BMPER: variants seen among roughly 807,000 people sequenced by gnomAD.
The protein encoded by BMPER is BMP-binding endothelial regulator protein.
A neutral mutation model predicts 87.3 loss-of-function variants in BMPER; 45 were observed. The ratio of observed to expected loss-of-function variants is 0.52; its 90% CI spans 0.41 to 0.66. BMPER has a LOEUF of 0.66. Among genes scored for constraint, BMPER ranks in the 30% least tolerant of loss-of-function variants. The pLI, the probability that BMPER is intolerant of heterozygous loss-of-function variation, is 0.00. For missense variants in BMPER, 784 were observed against 867.5 expected (o/e 0.90, Z 1.21); for synonymous variants, 326 against 316.2 (o/e 1.03, Z -0.33).
intron 2 of BMPER, among the ~76,000 whole-genome samples, chr7:33,919,641 T>G (rs930885663): frequency 1.5e-4 from 23 of 152,308 alleles, no homozygotes; most frequent in African/African-American, 5.3e-4. Context: ...AATGATTGAT[T>G]GATGGTCATT....
rs867146208 is a variant in BMPER, at chr7:34,031,719, G to C, written c.577-14587G>C. On this transcript the variant is annotated intron_variant, in intron 6 of 14. Transcript: ENST00000649409. ...ATAACACTTATAGAGCAAGCACTGT[G>C]CTGGGCACTTTAAGCACATTGTTGC... is the stretch of plus-strand genomic sequence containing the variant. 6.6e-5 allele frequency among the ~76,000 whole-genome samples: 10 copies of C among 151,750 alleles called. 1 individual carries two copies. The Middle Eastern group carries it at 0.014, about 206-fold the overall frequency.
chr7:34,071,504 G>C (rs1335961623), intron 11 of BMPER, among the ~76,000 whole-genome samples: 1 of 152,216 alleles, frequency 6.6e-6, no homozygotes, highest in East Asian at 1.9e-4. Flanking sequence ...CTCCAAGGAG[G>C]CTTTAAAGCT....
intron 6 of BMPER, among the ~76,000 whole-genome samples, chr7:34,004,475 T>C (rs1166892305): frequency 2.6e-5 from 4 of 152,180 alleles, no homozygotes; most frequent in Non-Finnish European, 5.9e-5. Flanking sequence ...TTGTTGTTGC[T>C]ATTGTTTTTG....
At chr7:34,031,882 CCA>C (rs1491496489) in intron 6 of BMPER, among the ~76,000 whole-genome samples, 1 of 64,156 alleles carries the variant, frequency 1.6e-5, no homozygotes, top group Non-Finnish European at 2.7e-5. Context: ...ATTAATTTGA[CCA>C]TATATATATA....
intron 13 of BMPER, among the ~76,000 whole-genome samples, chr7:34,137,132 T>C (rs1019398056): frequency 6.6e-6 from 1 of 152,260 alleles, no homozygotes; most frequent in African/African-American, 2.4e-5. Flanking sequence ...ATGTGCTTTA[T>C]TGAAAATGTG....
At chr7:33,976,892 A>G (rs954408227) in intron 6 of BMPER, among the ~76,000 whole-genome samples, 2 of 152,226 alleles carry the variant, frequency 1.3e-5, no homozygotes, top group Admixed American at 6.5e-5. Flanking sequence ...TGCATGATGA[A>G]TGAAACACCA....
At chr7:33,979,063 G>A (rs970188351) in intron 6 of BMPER, among the ~76,000 whole-genome samples, 28 of 152,084 alleles carry the variant, frequency 1.8e-4, no homozygotes, top group African/African-American at 6.8e-4. Context: ...CAGCGACAGA[G>A]TCAGCTACAA....
At chr7:34,054,435 A>G (rs906824031) in intron 8 of BMPER, among the ~76,000 whole-genome samples, 1 of 152,240 alleles carries the variant, frequency 6.6e-6, no homozygotes, top group African/African-American at 2.4e-5. Context: ...GTTGGTTTAT[A>G]ATAATTTCTA....
chr7:34,061,950 G>GTTTT lies in BMPER; in HGVS notation c.1033-40_1033-37dup, dbSNP rs3083769. ...AAGATATTTGTCCTCAGGAGACCCT[G>GTTTT]TTTTTTTTTTTTTTTAAACAGTAAC... On this transcript the variant is annotated intron_variant, in intron 10 of 14. Transcript: ENST00000649409. 155,847 of 1,134,552 alleles carry GTTTT rather than the reference G, an allele frequency of 0.14. 4,758 individuals are homozygous for GTTTT. The highest frequency in any genetic ancestry group is 0.15 in the Middle Eastern group (507 of 3,484). The allele number at this position is 1,134,552 out of a possible 1,614,324, so 70.3% of individuals were successfully genotyped here.
chr7:34,132,532 A>G (rs143888903), intron 13 of BMPER, among the ~76,000 whole-genome samples: 1 of 152,156 alleles, frequency 6.6e-6, no homozygotes, highest in Admixed American at 6.5e-5. Flanking sequence ...CACACAGCGG[A>G]TATTCTCTTG....
intron 10 of BMPER, among the ~76,000 whole-genome samples, chr7:34,058,534 T>C (rs183127166): frequency 5.3e-5 from 8 of 152,346 alleles, no homozygotes; most frequent in African/African-American, 1.2e-4. Flanking sequence ...TTTCCTCTTA[T>C]AGCCATTCAA....
intron 12 of BMPER, among the ~76,000 whole-genome samples, chr7:34,082,725 T>C (rs1406117576): frequency 6.6e-6 from 1 of 152,190 alleles, no homozygotes; most frequent in African/African-American, 2.4e-5. Context: ...TGAATTCCCA[T>C]GAACTCAGTT....
At chr7:34,062,363 G>A (rs1461381921) in intron 11 of BMPER, among the ~76,000 whole-genome samples, 1 of 152,126 alleles carries the variant, frequency 6.6e-6, no homozygotes, top group Non-Finnish European at 1.5e-5. Flanking sequence ...TAGTCATCGC[G>A]GTTAAGATAA....
At chr7:33,919,165 C>T (rs1784156455) in intron 2 of BMPER, among the ~76,000 whole-genome samples, 2 of 152,086 alleles carry the variant, frequency 1.3e-5, no homozygotes. Context: ...GTTAATGGGT[C>T]ATGTTACAGA....
At chr7:34,152,545 A>G (rs1373313874) in intron 14 of BMPER, among the ~76,000 whole-genome samples, 1 of 152,162 alleles carries the variant, frequency 6.6e-6, no homozygotes, top group Non-Finnish European at 1.5e-5. Context: ...GCAGTCACAT[A>G]TCTGACTTTT....
At chr7:34,094,058 G>A (rs1348535661) in intron 13 of BMPER, among the ~76,000 whole-genome samples, 3 of 152,126 alleles carry the variant, frequency 2.0e-5, no homozygotes, top group Non-Finnish European at 4.4e-5. Flanking sequence ...CCTGGTCTGG[G>A]GGCTCCATCA....
intron 3 of BMPER, among the ~76,000 whole-genome samples, chr7:33,938,283 G>T (rs1233516481): frequency 6.6e-6 from 1 of 152,178 alleles, no homozygotes; most frequent in Admixed American, 6.5e-5. Context: ...TTTACTGGGT[G>T]GCAGAGTGTT....
At chr7:34,001,956 GTAT>G (rs1436536632) in intron 6 of BMPER, among the ~76,000 whole-genome samples, 1 of 151,416 alleles carries the variant, frequency 6.6e-6, no homozygotes, top group Non-Finnish European at 1.5e-5. Context: ...TAATTTCTAT[GTAT>G]TTTTGAATTT....
At position 34,055,187 on chromosome 7, in the gene BMPER, A is replaced by C; in HGVS notation, c.811A>C (p.Lys271Gln). ...CRDSTVVCKRKCSHPGGCDQG... is the reference protein window; with the variant it reads ...CRDSTVVCKRQCSHPGGCDQG... ...GGACTCTACTGTGGTTTGCAAGAGG[A>C]AGTGCTCCCACCCTGGTGGCTGTGA... Residue 271 changes from lysine to glutamine, a missense_variant, in exon 9 of 15, where the codon AAG (lysine) becomes CAG (glutamine). Physicochemically the swap from Lys to Gln is moderately conservative, Grantham distance 53. Coordinates refer to ENST00000649409, the MANE Select transcript of BMPER (RefSeq NM_001365308.1). 1 of 1,614,126 alleles carries C rather than the reference A, an allele frequency of 6.2e-7. No individual in the cohort carries two copies. The highest frequency in any genetic ancestry group is 8.5e-7 in the Non-Finnish European group (1 of 1,180,008).
Sources: gnomAD v4.1 joint callset for allele counts (sites outside exome capture counted in the v4.1 genomes callset) on GRCh38, gnomAD v4.1.1 for gene constraint, MANE v1.5 for transcripts, NCBI Gene and HGNC (gene_info 2026-07-23, HGNC 2026-07-21) for gene names.